Variants in ITSN1 observed in about 807,000 individuals in gnomAD.
The protein encoded by ITSN1 is intersectin 1.
Under a neutral mutation model 239.8 loss-of-function variants are expected in ITSN1, and 58 were observed. That is an observed-to-expected ratio of 0.24 (90% CI 0.20 to 0.30). ITSN1 has a LOEUF of 0.30. Among genes scored for constraint, ITSN1 ranks in the 10% least tolerant of loss-of-function variants. ITSN1 has a pLI of 1.00. For missense variants in ITSN1, 1,558 were observed against 2,103.3 expected, an observed-to-expected ratio of 0.74 and a Z score of 5.07; for synonymous variants, 780 against 770.8, an observed-to-expected ratio of 1.01 and a Z score of -0.20.
At chr21:33,747,374 T>C (rs2067244778) in intron 5 of ITSN1, among the ~76,000 whole-genome samples, 1 of 152,098 alleles carries the variant, frequency 6.6e-6, no homozygotes. Context: ...ATGTGTGTCA[T>C]GGGAGTCTTA....
At chr21:33,648,069 C>T (rs1459152467) in intron 1 of ITSN1, among the ~76,000 whole-genome samples, 3 of 152,162 alleles carry the variant, frequency 2.0e-5, no homozygotes, top group Non-Finnish European at 2.9e-5. Flanking sequence ...ATCAGACTTC[C>T]AGTCTCCCAG....
At chr21:33,681,131 C>T (rs1021022035) in intron 1 of ITSN1, among the ~76,000 whole-genome samples, 2 of 152,050 alleles carry the variant, frequency 1.3e-5, no homozygotes, top group African/African-American at 4.8e-5. Flanking sequence ...TTTACCCGCC[C>T]GGGGATGGAC....
intron 33 of ITSN1, among the ~76,000 whole-genome samples, chr21:33,874,471 C>A (rs1983342753): frequency 6.6e-6 from 1 of 152,092 alleles, no homozygotes; most frequent in Non-Finnish European, 1.5e-5. Context: ...GGCTCTTAGA[C>A]CCTCATCAGT....
rs1219309908 is a variant in ITSN1, at chr21:33,718,840, T to G, written c.12T>G (p.Phe4Leu). The G allele has an allele frequency of 8.7e-6, 14 of 1,613,532 alleles. No individual in the cohort carries two copies. The highest frequency in any genetic ancestry group is 1.2e-5 in the Non-Finnish European group (14 of 1,179,750). The change falls in exon 2 of 40, where the codon TTT (phenylalanine) becomes TTG (leucine). Residue 4 changes from phenylalanine to leucine, a missense_variant. Around this residue, in one of 2 missense-constraint regions of ITSN1, gnomAD observed 982 missense variants for 1,209.9 expected, o/e 0.81. Transcript: ENST00000381318. MAQ[F>L]PTPFGGSLDI... ...AAAGTAACAGAACCATGGCTCAGTT[T>G]CCAACACCTTTTGGTGGTAAGTTTT...
chr21:33,813,640 A>G (rs1314310469), intron 21 of ITSN1, among the ~76,000 whole-genome samples: 1 of 152,162 alleles, frequency 6.6e-6, no homozygotes, highest in East Asian at 1.9e-4. Flanking sequence ...GGCATGAGCC[A>G]CTGTGCCCAG....
intron 1 of ITSN1, among the ~76,000 whole-genome samples, chr21:33,700,228 G>T (rs1315778994): frequency 2.0e-5 from 3 of 151,998 alleles, no homozygotes; most frequent in South Asian, 4.2e-4. Flanking sequence ...GGGATTGCAG[G>T]TGCCCACCAC....
At position 33,799,788 on chromosome 21, in the gene ITSN1, C is replaced by T. The variant is rs759301807; in HGVS notation, c.2183-20C>T. 1.2e-6 allele frequency: 2 copies of T among 1,611,858 alleles called. No homozygotes were observed. The highest frequency in any genetic ancestry group is 2.2e-5 in the South Asian group (2 of 90,608). ...CTGTAATTATTTATTTTTGTCCCCC[C>T]CACCTTTTTTTGTAAACAGAAAAAG... is the stretch of plus-strand genomic sequence containing the variant. On this transcript the variant is annotated intron_variant, in intron 18 of 39. Transcript: ENST00000381318.
Position 33,721,346 on chromosome 21 carries a change from C to T in ITSN1, c.121+76C>T, listed in dbSNP as rs559801515. 2.3e-4 allele frequency: 211 copies of T among 924,358 alleles called. 7 individuals are homozygous for T. The South Asian group carries it at 2.5e-3, about 11-fold the overall frequency. 57.3% of individuals were successfully genotyped at this position (924,358 alleles called of 1,614,324 possible). On this transcript the variant is annotated intron_variant, in intron 3 of 39. Coordinates refer to ENST00000381318, the MANE Select transcript of ITSN1 (RefSeq NM_003024.3). ...CTGTGGAAACTCTATCATGCAAAGACGAGATGGGCAAATATGACCAAGGAG... is the reference window on the plus strand; with the variant it reads ...CTGTGGAAACTCTATCATGCAAAGATGAGATGGGCAAATATGACCAAGGAG...
At chr21:33,746,066 A>G (rs1351067745) in intron 5 of ITSN1, among the ~76,000 whole-genome samples, 4 of 152,208 alleles carry the variant, frequency 2.6e-5, no homozygotes, top group South Asian at 2.1e-4. Flanking sequence ...CTGTGCTACA[A>G]AGATGCAGGT....
chr21:33,774,571 T>A (rs1485552066), intron 12 of ITSN1, 158 bp from the exon 13 acceptor site: 1 of 625,182 alleles, frequency 1.6e-6, no homozygotes, highest in Non-Finnish European at 2.8e-6. Flanking sequence ...GAAGGAATAC[T>A]GTATTTTTAT....
chr21:33,867,411 C>T (rs139384540), intron 33 of ITSN1, 80 bp downstream of exon 33: 19 of 810,550 alleles, frequency 2.3e-5, no homozygotes, highest in African/African-American at 3.4e-5. Context: ...ACAAGATTCC[C>T]AGTGAACATA....
chr21:33,875,255 TG>T, intron 33 of ITSN1, 98 bp from the exon 34 acceptor site: 1 of 1,332,818 alleles, frequency 7.5e-7, no homozygotes, highest in Non-Finnish European at 1.1e-6. Flanking sequence ...CATGAAAGGA[TG>T]GTGCCCTGCC....
chr21:33,833,762 C>G (rs1353268794), intron 27 of ITSN1, among the ~76,000 whole-genome samples: 1 of 151,898 alleles, frequency 6.6e-6, no homozygotes, highest in Non-Finnish European at 1.5e-5. Context: ...GTCCCAGCTA[C>G]TCAGGAGGCT....
intron 29 of ITSN1, among the ~76,000 whole-genome samples, chr21:33,845,123 T>C (rs908747065): frequency 6.6e-6 from 1 of 151,280 alleles, no homozygotes; most frequent in Admixed American, 6.6e-5. Flanking sequence ...CAGGAGCAGG[T>C]GACAAGCAGC....
chr21:33,728,912 A>T (rs1469969352), intron 4 of ITSN1, among the ~76,000 whole-genome samples: 1 of 152,050 alleles, frequency 6.6e-6, no homozygotes, highest in Admixed American at 6.5e-5. Flanking sequence ...TGGTTTTTGA[A>T]TGAATGAGAA....
chr21:33,800,053 A>G, intron 19 of ITSN1, 124 bp downstream of exon 19: 1 of 937,988 alleles, frequency 1.1e-6, no homozygotes, highest in Non-Finnish European at 1.5e-6. Context: ...CAGCATCTAG[A>G]TTTTTAAAGT....
intron 1 of ITSN1, among the ~76,000 whole-genome samples, chr21:33,690,826 T>C (rs1387691389): frequency 2.2e-5 from 1 of 44,758 alleles, no homozygotes; most frequent in East Asian, 3.8e-4. Flanking sequence ...TATATATATA[T>C]ATATATATAT....
Position 33,892,604 on chromosome 21 carries a change from TTAAGTA to T in ITSN1, c.*4306_*4311del, listed in dbSNP as rs1349788894. Reference sequence around the variant, plus strand: ...TCTCAGGGACAGAAACAGGCTTGTATTAAGTATGAGTGGCAGGTACTTCTCTAGAAC... The same window carrying T: ...TCTCAGGGACAGAAACAGGCTTGTATTGAGTGGCAGGTACTTCTCTAGAAC... On this transcript the variant is annotated 3_prime_UTR_variant, in exon 40 of 40. Coordinates refer to ENST00000381318, the MANE Select transcript of ITSN1 (RefSeq NM_003024.3). The T allele has an allele frequency of 6.6e-6, 1 of 152,136 alleles. No individual in the cohort carries two copies. The highest frequency in any genetic ancestry group is 6.5e-5 in the Admixed American group (1 of 15,268). The allele number at this position is 152,136 out of a possible 1,614,324, so 9.4% of individuals were successfully genotyped here.
chr21:33,751,762 G>A, intron 6 of ITSN1, 48 bp from the exon 7 acceptor site: 1 of 1,421,492 alleles, frequency 7.0e-7, no homozygotes, highest in Non-Finnish European at 9.9e-7. Context: ...ATTGGGGAAA[G>A]TTTCTTATCT....
Sources: gnomAD v4.1 joint callset for allele counts (sites outside exome capture counted in the v4.1 genomes callset) on GRCh38, gnomAD v4.1.1 for gene constraint, gnomAD v4.1.1 regional missense constraint, MANE v1.5 for transcripts, NCBI Gene and HGNC (gene_info 2026-07-23, HGNC 2026-07-21) for gene names.